The following TBC1D5 variants were observed in gnomAD, a reference collection of about 807,000 sequenced individuals.
The protein encoded by TBC1D5 is TBC1 domain family, member 5.
In TBC1D5, 75 loss-of-function variants were observed where a neutral mutation model predicts 100.3. That is an observed-to-expected ratio of 0.75 (90% CI 0.62 to 0.91). TBC1D5 has a LOEUF of 0.91. TBC1D5 is among the 40% of genes least tolerant of loss of function. TBC1D5 has a pLI of 0.00. For synonymous variants in TBC1D5, 323 were observed against 325.6 expected (o/e 0.99, Z 0.09); for missense variants, 910 against 942.4 (o/e 0.97, Z 0.45).
chr3:17,327,821 GT>G (rs1409747352), intron 13 of TBC1D5, among the ~76,000 whole-genome samples: 2 of 151,718 alleles, frequency 1.3e-5, no homozygotes, highest in African/African-American at 4.8e-5. Context: ...GCTGTATGTG[GT>G]TTTTTTTCCC....
chr3:17,510,550 T>G (rs2095892721), intron 2 of TBC1D5, among the ~76,000 whole-genome samples: 1 of 152,030 alleles, frequency 6.6e-6, no homozygotes, highest in African/African-American at 2.4e-5. Context: ...TACTGAGCAC[T>G]GCTGTATAGA....
At chr3:17,646,717 C>G (rs2065051999) in intron 1 of TBC1D5, among the ~76,000 whole-genome samples, 1 of 152,152 alleles carries the variant, frequency 6.6e-6, no homozygotes, top group African/African-American at 2.4e-5. Context: ...AAATGCTAAT[C>G]TGACCACACT....
intron 1 of TBC1D5, among the ~76,000 whole-genome samples, chr3:17,666,244 C>G (rs2067241611): frequency 6.6e-6 from 1 of 152,116 alleles, no homozygotes. Context: ...TTCCTTTACT[C>G]ATAAAAATAC....
chr3:17,598,737 A>G (rs934884275), intron 2 of TBC1D5, among the ~76,000 whole-genome samples: 2 of 152,218 alleles, frequency 1.3e-5, no homozygotes, highest in Non-Finnish European at 2.9e-5. Flanking sequence ...ACACTATTTA[A>G]AACCAGAGAC....
At chr3:17,259,583 C>T (rs1380479466) in intron 15 of TBC1D5, among the ~76,000 whole-genome samples, 1 of 152,076 alleles carries the variant, frequency 6.6e-6, no homozygotes, top group East Asian at 1.9e-4. Flanking sequence ...CCAAGGCATG[C>T]ACTTCCTTTG....
chr3:17,620,079 C>G (rs1396445922), intron 2 of TBC1D5, among the ~76,000 whole-genome samples: 1 of 152,124 alleles, frequency 6.6e-6, no homozygotes, highest in Non-Finnish European at 1.5e-5. Context: ...TGTTACAGCC[C>G]CCATGCAGGG....
chr3:17,661,795 G>A (rs1404959932), intron 1 of TBC1D5, among the ~76,000 whole-genome samples: 1 of 152,096 alleles, frequency 6.6e-6, no homozygotes, highest in East Asian at 1.9e-4. Context: ...ATCGCACCTG[G>A]CCAGCATCTT....
At chr3:17,513,918 A>G (rs538955612) in intron 2 of TBC1D5, among the ~76,000 whole-genome samples, 1 of 152,320 alleles carries the variant, frequency 6.6e-6, no homozygotes, top group South Asian at 2.1e-4. Flanking sequence ...GCAATTGAAT[A>G]TCTGGTTTAA....
At chr3:17,677,104 A>T (rs1215190882) in intron 1 of TBC1D5, among the ~76,000 whole-genome samples, 4 of 152,142 alleles carry the variant, frequency 2.6e-5, no homozygotes, top group Non-Finnish European at 5.9e-5. Flanking sequence ...AAGGACTTCA[A>T]GTCTAAAACA....
intron 8 of TBC1D5, among the ~76,000 whole-genome samples, chr3:17,385,518 T>G (rs1162217688): frequency 1.3e-5 from 2 of 152,126 alleles, no homozygotes; most frequent in Non-Finnish European, 2.9e-5. Flanking sequence ...CTTGGACAGT[T>G]ATAACTTTCT....
intron 2 of TBC1D5, among the ~76,000 whole-genome samples, chr3:17,591,629 T>C (rs1438204968): frequency 6.6e-6 from 1 of 152,144 alleles, no homozygotes; most frequent in Non-Finnish European, 1.5e-5. Flanking sequence ...CGACCTACAG[T>C]GGGTCCAGTG....
intron 2 of TBC1D5, among the ~76,000 whole-genome samples, chr3:17,542,586 C>A (rs1286874749): frequency 6.6e-6 from 1 of 152,156 alleles, no homozygotes; most frequent in African/African-American, 2.4e-5. Context: ...AGCAAAACCA[C>A]AAATGAGAAA....
intron 2 of TBC1D5, among the ~76,000 whole-genome samples, chr3:17,618,856 C>G: frequency 6.6e-6 from 1 of 152,226 alleles, no homozygotes; most frequent in Non-Finnish European, 1.5e-5. Flanking sequence ...CTTGCACTTT[C>G]CAGTTGAGGT....
rs78607552 is a variant in TBC1D5 at position 17,399,299 on chromosome 3, T to C, written c.509+3882A>G. Among the ~76,000 whole-genome samples, 71 of 152,126 alleles carry C rather than the reference T, an allele frequency of 4.7e-4. 1 individual carries two copies. The East Asian group carries it at 0.013, about 29-fold the overall frequency. On this transcript the variant is annotated intron_variant, in intron 8 of 21. Transcript: ENST00000253692. ...TAGGCTGTTAACACATGGAATGGAC[T>C]GGAAGTGGAAAAACACTAGATCCCA... is the stretch of plus-strand genomic sequence containing the variant.
chr3:17,262,460 G>A (rs1287734171), intron 15 of TBC1D5, among the ~76,000 whole-genome samples: 1 of 150,322 alleles, frequency 6.7e-6, no homozygotes, highest in Non-Finnish European at 1.5e-5. Context: ...CAACTATCAT[G>A]AGCATTTCCA....
intron 13 of TBC1D5, among the ~76,000 whole-genome samples, chr3:17,358,422 G>A (rs1407085164): frequency 1.3e-5 from 2 of 152,212 alleles, no homozygotes; most frequent in East Asian, 1.9e-4. Context: ...CCGACCTCAG[G>A]TGATCCTCCC....
chr3:17,293,027 C>A (rs1225659104), intron 14 of TBC1D5, among the ~76,000 whole-genome samples: 1 of 152,170 alleles, frequency 6.6e-6, no homozygotes, highest in Non-Finnish European at 1.5e-5. Context: ...CTCCTATAAG[C>A]ACTATGGGGA....
At chr3:17,442,715 A>T (rs2094693307) in intron 3 of TBC1D5, among the ~76,000 whole-genome samples, 1 of 152,228 alleles carries the variant, frequency 6.6e-6, no homozygotes, top group Admixed American at 6.5e-5. Context: ...CTAACCTCTG[A>T]GGGTCACACG....
chr3:17,288,286 C>T lies in TBC1D5; in HGVS notation c.1245+3609G>A, dbSNP rs191522657. 5.1e-4 allele frequency among the ~76,000 whole-genome samples: 77 copies of T among 152,240 alleles called. 1 individual carries two copies. Among genetic ancestry groups the T allele is most frequent in the Middle Eastern group, 3.4e-3 (1 of 294 alleles). Reference sequence around the variant, plus strand: ...TGCTGTTTTTCTCACTTTACTTTTGCAGCACTGGGTTGGACCTCGTTAGTT... The same window carrying T: ...TGCTGTTTTTCTCACTTTACTTTTGTAGCACTGGGTTGGACCTCGTTAGTT... On this transcript the variant is annotated intron_variant, in intron 15 of 21. Transcript: ENST00000253692.
Sources: gnomAD v4.1 joint callset for allele counts (sites outside exome capture counted in the v4.1 genomes callset) on GRCh38, gnomAD v4.1.1 for gene constraint, MANE v1.5 for transcripts, NCBI Gene and HGNC (gene_info 2026-07-23, HGNC 2026-07-21) for gene names.